The following RARB variants were observed in gnomAD, a reference collection of about 807,000 sequenced individuals.
RARB encodes retinoic acid receptor beta.
In RARB, 17 loss-of-function variants were observed where a neutral mutation model predicts 51.9. The observed-to-expected ratio is 0.33, with a 90% CI of 0.22 to 0.49. The LOEUF is 0.49. RARB is among the 20% of genes least tolerant of loss of function. The pLI is 0.99. For missense variants in RARB, 369 were observed against 550.8 expected (o/e 0.67, Z 3.30); for synonymous variants, 215 against 195.4 (o/e 1.10, Z -0.84).
At chr3:25,422,452 C>T (rs1222733828) in intron 5 of RARB, among the ~76,000 whole-genome samples, 1 of 152,146 alleles carries the variant, frequency 6.6e-6, no homozygotes, top group Admixed American at 6.6e-5. Flanking sequence ...TCTCAGGAGT[C>T]ACCATTACAT....
chr3:25,094,825 C>T lies in RARB; in HGVS notation c.-328+34649C>T, dbSNP rs539015445. ...GAGTTCTGATGTAGGTTGTCTTGTG[C>T]CAAAGCTCTGGCCTTTCACCCTGGG... On this transcript the variant is annotated intron_variant, in intron 3 of 11. Transcript: ENST00000383772. Among the ~76,000 whole-genome samples, 23 of 151,526 alleles carry T rather than the reference C, an allele frequency of 1.5e-4. 1 individual carries two copies. The South Asian group carries it at 4.4e-3, about 29-fold the overall frequency.
chr3:25,016,281 G>A (rs899331619), intron 2 of RARB, among the ~76,000 whole-genome samples: 1 of 152,166 alleles, frequency 6.6e-6, no homozygotes, highest in Admixed American at 6.6e-5. Flanking sequence ...GAAAGCTACT[G>A]GGTGATTAAG....
At chr3:24,847,191 T>G (rs1400852383) in intron 1 of RARB, among the ~76,000 whole-genome samples, 4 of 152,354 alleles carry the variant, frequency 2.6e-5, no homozygotes, top group African/African-American at 9.6e-5. Context: ...TTATAAGCCC[T>G]GCAAGTGTCT....
At chr3:25,262,359 C>T (rs1487035040) in intron 5 of RARB, among the ~76,000 whole-genome samples, 3 of 152,106 alleles carry the variant, frequency 2.0e-5, no homozygotes, top group East Asian at 3.9e-4. Flanking sequence ...TATCCTGTGT[C>T]GATTTTTCGT....
intron 5 of RARB, among the ~76,000 whole-genome samples, chr3:25,176,476 A>T (rs1020708304): frequency 1.3e-5 from 2 of 148,576 alleles, no homozygotes; most frequent in East Asian, 3.9e-4. Context: ...ACTCACTGCA[A>T]CCTCCACCTC....
intron 1 of RARB, among the ~76,000 whole-genome samples, chr3:25,443,991 T>C (rs1708819407): frequency 6.6e-6 from 1 of 152,132 alleles, no homozygotes; most frequent in Non-Finnish European, 1.5e-5. Flanking sequence ...CAAGAGAAAC[T>C]TTTGAACCAC....
chr3:25,219,602 G>T (rs948362146), intron 5 of RARB, among the ~76,000 whole-genome samples: 1 of 152,160 alleles, frequency 6.6e-6, no homozygotes, highest in Non-Finnish European at 1.5e-5. Context: ...CACACTTGCT[G>T]AAGGGCCGCA....
chr3:25,381,468 T>C (rs1047585133), intron 5 of RARB, among the ~76,000 whole-genome samples: 2 of 152,218 alleles, frequency 1.3e-5, no homozygotes, highest in African/African-American at 4.8e-5. Context: ...TAATATAATA[T>C]AACCTTTATA....
intron 1 of RARB, among the ~76,000 whole-genome samples, chr3:24,852,586 G>T (rs961542271): frequency 3.9e-5 from 6 of 151,920 alleles, no homozygotes; most frequent in Non-Finnish European, 7.4e-5. Flanking sequence ...ATTCATAATA[G>T]CCCAACAAAA....
chr3:25,431,868 T>G (rs1456154575), intron 1 of RARB, among the ~76,000 whole-genome samples: 1 of 152,156 alleles, frequency 6.6e-6, no homozygotes, highest in African/African-American at 2.4e-5. Context: ...GACCCAAATT[T>G]TAAGTATTAA....
At chr3:25,314,900 G>C (rs1247751167) in intron 5 of RARB, among the ~76,000 whole-genome samples, 2 of 152,120 alleles carry the variant, frequency 1.3e-5, no homozygotes, top group Non-Finnish European at 1.5e-5. Context: ...TTATGTCGCT[G>C]AGTACTCAGT....
intron 3 of RARB, among the ~76,000 whole-genome samples, chr3:25,061,969 T>C (rs1290521340): frequency 6.6e-6 from 1 of 151,710 alleles, no homozygotes; most frequent in Non-Finnish European, 1.5e-5. Context: ...AATCTAAATA[T>C]TGGAATTTAA....
intron 2 of RARB, among the ~76,000 whole-genome samples, chr3:25,011,636 T>G (rs113554389): frequency 3.3e-5 from 5 of 152,088 alleles, no homozygotes; most frequent in Non-Finnish European, 2.9e-5. Flanking sequence ...AGTTAAACAT[T>G]AAGATCCAGG....
At chr3:25,512,174 C>A (rs1483569481) in intron 3 of RARB, among the ~76,000 whole-genome samples, 1 of 152,192 alleles carries the variant, frequency 6.6e-6, no homozygotes, top group Non-Finnish European at 1.5e-5. Context: ...GCTCCTGTTA[C>A]TGTTCCGGTA....
chr3:24,877,345 A>ATTTTTTTTTTTTTTTT (rs1559379782), intron 2 of RARB, among the ~76,000 whole-genome samples: 3 of 17,762 alleles, frequency 1.7e-4, no homozygotes, highest in African/African-American at 5.7e-4. Flanking sequence ...AAGCAATCTT[A>ATTTTTTTTTTTTTTTT]CTTTTTTTTT....
chr3:24,949,241 C>G (rs1246413545), intron 2 of RARB, among the ~76,000 whole-genome samples: 1 of 152,200 alleles, frequency 6.6e-6, no homozygotes, highest in African/African-American at 2.4e-5. Context: ...GATTCTCTTT[C>G]AGCTGTGTTG....
intron 2 of RARB, among the ~76,000 whole-genome samples, chr3:24,977,390 T>G (rs1386908260): frequency 1.3e-5 from 2 of 152,218 alleles, no homozygotes; most frequent in Admixed American, 1.3e-4. Context: ...TTCCTACCCA[T>G]GAGCGTGGAA....
intron 5 of RARB, among the ~76,000 whole-genome samples, chr3:25,300,211 T>C (rs1427606759): frequency 6.6e-6 from 1 of 152,242 alleles, no homozygotes; most frequent in African/African-American, 2.4e-5. Flanking sequence ...TGACACTGCT[T>C]TCTACAAAAT....
intron 2 of RARB, among the ~76,000 whole-genome samples, chr3:24,954,185 C>G (rs912491331): frequency 6.6e-6 from 1 of 152,132 alleles, no homozygotes; most frequent in Non-Finnish European, 1.5e-5. Flanking sequence ...TGAGGCCACT[C>G]AATTCTTGAA....
Sources: allele counts gnomAD v4.1 joint callset (sites outside exome capture counted in the v4.1 genomes callset), GRCh38; gene constraint gnomAD v4.1.1; transcripts MANE v1.5; gene names NCBI Gene and HGNC (gene_info 2026-07-23, HGNC 2026-07-21).